Variants in MBD5 observed in about 807,000 individuals in gnomAD.
The protein encoded by MBD5 is methyl-CpG binding domain protein 5.
In MBD5, 13 loss-of-function variants were observed where a neutral mutation model predicts 117.3. That is an observed-to-expected ratio of 0.11 (90% confidence interval 0.07 to 0.18). The LOEUF (loss-of-function observed/expected upper bound fraction) is 0.18, where lower values mean the gene tolerates loss of function less well. Among genes scored for constraint, MBD5 ranks in the 10% least tolerant of loss-of-function variants. The probability of loss-of-function intolerance (pLI) is 1.00; values close to 1 mark genes in which losing one functional copy is unlikely to be tolerated. For synonymous variants in MBD5, 727 were observed against 766.4 expected (o/e 0.95, Z 0.85); for missense variants, 1,879 against 2,093.8 (o/e 0.90, Z 2.00).
At chr2:148,171,208 A>G (rs1698254338) in intron 1 of MBD5, among the ~76,000 whole-genome samples, 1 of 152,214 alleles carries the variant, frequency 6.6e-6, no homozygotes, top group African/African-American at 2.4e-5. Context: ...CAGTATCCTT[A>G]TGTATATATT....
At chr2:148,438,516 T>C (rs894526166) in intron 4 of MBD5, among the ~76,000 whole-genome samples, 4 of 152,178 alleles carry the variant, frequency 2.6e-5, no homozygotes, top group Admixed American at 6.5e-5. Flanking sequence ...TTCCACAGTG[T>C]TGTGAGGAAT....
rs77213206 is a variant in MBD5 at position 148,463,819 on chromosome 2, A to C, written c.297A>C (p.Leu99=). 6.2e-7 allele frequency: 1 copy of C among 1,613,844 alleles called. No individual in the cohort carries two copies. Among genetic ancestry groups the C allele is most frequent in the South Asian group, 1.1e-5 (1 of 91,072 alleles). ...DVKADEDVTK[L]CIHKRKIIAV... Reference sequence around the variant, plus strand: ...AGGCAGATGAAGATGTCACAAAGCTATGCATACATAAAAGAAAAATTATTG... The same window carrying C: ...AGGCAGATGAAGATGTCACAAAGCTCTGCATACATAAAAGAAAAATTATTG... Residue 99 remains leucine (L), a synonymous_variant, in exon 7 of 14, where the codon CTA becomes CTC. Coordinates refer to ENST00000642680, the MANE Select transcript of MBD5 (RefSeq NM_001378120.1).
chr2:148,281,633 C>T (rs750043476), intron 3 of MBD5, among the ~76,000 whole-genome samples: 36 of 151,972 alleles, frequency 2.4e-4, no homozygotes, highest in Non-Finnish European at 4.9e-4. Flanking sequence ...TAGTTTTCCT[C>T]GAGTGCTTTG....
At chr2:148,470,757 AGCCATACGAG>A in intron 8 of MBD5, 1 of 413,770 alleles carries the variant, frequency 2.4e-6, no homozygotes, top group Non-Finnish European at 4.3e-6. Context: ...CTGCAAAATA[AGCCATACGAG>A]GCAGGGTTTC....
rs1680717669 is a variant in MBD5 at position 148,469,501 on chromosome 2, G to T, written c.1558G>T (p.Asp520Tyr). 1 of 1,613,694 alleles carries T rather than the reference G, an allele frequency of 6.2e-7. No individual in the cohort carries two copies. Among genetic ancestry groups the T allele is most frequent in the Non-Finnish European group, 8.5e-7 (1 of 1,179,938 alleles). The change falls in exon 8 of 14, where the codon GAT becomes TAT. Residue 520 changes from aspartate (D) to tyrosine (Y), a missense_variant. Physicochemically the swap from Asp to Tyr is radical, Grantham distance 160 (BLOSUM62 -3). Around this residue, in one of 4 missense-constraint regions of MBD5, gnomAD observed 1,666 missense variants for 1,792.2 expected, o/e 0.93. Transcript: ENST00000642680. Reference protein sequence around the residue: ...TKSDGHHQYKDIPNPLIAGIS... With the variant: ...TKSDGHHQYKYIPNPLIAGIS... ...GTCCGATGGACATCATCAGTACAAG[G>T]ATATCCCTAACCCATTAATTGCTGG...
chr2:148,220,234 A>C (rs1699652262), intron 2 of MBD5, among the ~76,000 whole-genome samples: 2 of 152,142 alleles, frequency 1.3e-5, no homozygotes, highest in South Asian at 4.1e-4. Context: ...ATATTTTTAA[A>C]AGTTCAACTA....
chr2:148,421,279 C>A (rs1705596643), intron 4 of MBD5, among the ~76,000 whole-genome samples: 1 of 152,284 alleles, frequency 6.6e-6, no homozygotes, highest in East Asian at 1.9e-4. Flanking sequence ...GGAGGGAAAG[C>A]CAAAGCAGGG....
chr2:148,188,922 G>A (rs2105894990), intron 2 of MBD5, among the ~76,000 whole-genome samples: 1 of 151,972 alleles, frequency 6.6e-6, no homozygotes, highest in South Asian at 2.1e-4. Flanking sequence ...AGCCGAAGCA[G>A]GGCGAGACAT....
At chr2:148,475,444 A>T (rs1372062158) in intron 8 of MBD5, among the ~76,000 whole-genome samples, 2 of 151,940 alleles carry the variant, frequency 1.3e-5, no homozygotes, top group Non-Finnish European at 2.9e-5. Context: ...TCCAGGTTTA[A>T]CGTTTCCTTG....
At chr2:148,185,420 A>G (rs184885733) in intron 2 of MBD5, among the ~76,000 whole-genome samples, 251 of 152,350 alleles carry the variant, frequency 1.6e-3, no homozygotes, top group African/African-American at 5.6e-3. Context: ...AACAAAAGCT[A>G]TATGTATGTG....
At chr2:148,428,593 T>A (rs1009082083) in intron 4 of MBD5, among the ~76,000 whole-genome samples, 1 of 152,166 alleles carries the variant, frequency 6.6e-6, no homozygotes, top group African/African-American at 2.4e-5. Flanking sequence ...GACTTCAAAC[T>A]ATACTACAAG....
chr2:148,092,040 C>T (rs1479510833), intron 1 of MBD5, among the ~76,000 whole-genome samples: 1 of 152,012 alleles, frequency 6.6e-6, no homozygotes, highest in Non-Finnish European at 1.5e-5. Flanking sequence ...ATATAAATGG[C>T]CAATAAACAT....
rs368492526 is a variant in MBD5 at position 148,292,611 on chromosome 2, T to C, written c.-679-49603T>C. ...TGGAAAAAAGGGAACCCTCCTACAATGTTGGTGGGAGTGCAAGTTAGTACA... is the reference window on the plus strand; with the variant it reads ...TGGAAAAAAGGGAACCCTCCTACAACGTTGGTGGGAGTGCAAGTTAGTACA... On this transcript the variant is annotated intron_variant, in intron 3 of 13. Coordinates refer to ENST00000642680, the MANE Select transcript of MBD5 (RefSeq NM_001378120.1). 2.5e-4 allele frequency among the ~76,000 whole-genome samples: 38 copies of C among 152,034 alleles called. 3 individuals carry two copies. Among genetic ancestry groups the C allele is most frequent in the Admixed American group, 1.7e-3 (26 of 15,258 alleles).
Position 148,308,497 on chromosome 2 carries a change from T to C in MBD5, c.-679-33717T>C, listed in dbSNP as rs1229301270. 9.1e-4 allele frequency among the ~76,000 whole-genome samples: 119 copies of C among 131,194 alleles called. 3 individuals are homozygous for C. Among genetic ancestry groups the C allele is most frequent in the African/African-American group, 3.5e-3 (116 of 32,800 alleles). The allele number at this position is 131,194 out of a possible 152,430, so 86.1% of individuals were successfully genotyped here. On this transcript the variant is annotated intron_variant, in intron 3 of 13. Transcript: ENST00000642680. ...CTTTTTGATGGGGTTCTTTCTTTTT[T>C]TTTTTTTTTTTTTTTTTTTTTGATG...
rs541778531 is a variant in MBD5 at position 148,445,468 on chromosome 2, A to G, written c.-556-12735A>G. Among the ~76,000 whole-genome samples the G allele has an allele frequency of 5.3e-5, 8 of 151,416 alleles. 1 individual carries two copies. The highest frequency in any genetic ancestry group is 1.5e-4 in the African/African-American group (6 of 40,744). On this transcript the variant is annotated intron_variant, in intron 4 of 13. Coordinates refer to ENST00000642680, the MANE Select transcript of MBD5 (RefSeq NM_001378120.1). ...ATGTCCCTACAAAGGACATGAACTCATCAATTTTTATGGCTGCATAGTATT... is the reference window on the plus strand; with the variant it reads ...ATGTCCCTACAAAGGACATGAACTCGTCAATTTTTATGGCTGCATAGTATT...
At chr2:148,446,095 T>C (rs994048598) in intron 4 of MBD5, among the ~76,000 whole-genome samples, 2 of 151,106 alleles carry the variant, frequency 1.3e-5, no homozygotes, top group African/African-American at 2.5e-5. Flanking sequence ...CTGTTCACTC[T>C]GATGGTAGTT....
intron 1 of MBD5, among the ~76,000 whole-genome samples, chr2:148,148,419 G>A (rs985697186): frequency 2.8e-4 from 42 of 152,098 alleles, no homozygotes; most frequent in Non-Finnish European, 4.6e-4. Flanking sequence ...CACAAGATTC[G>A]CTCTTCATAT....
chr2:148,503,626 T>C lies in MBD5; in HGVS notation c.5036+1117T>C, dbSNP rs555214183. ...GACAGCTGCAAGGGGCAAACTCCTATGTCTCTATGTCCCGGACTCCTTTAA... is the reference window on the plus strand; with the variant it reads ...GACAGCTGCAAGGGGCAAACTCCTACGTCTCTATGTCCCGGACTCCTTTAA... On this transcript the variant is annotated intron_variant, in intron 12 of 13. Transcript: ENST00000642680. 2.2e-4 allele frequency among the ~76,000 whole-genome samples: 34 copies of C among 152,346 alleles called. 1 individual carries two copies. Among genetic ancestry groups the C allele is most frequent in the Middle Eastern group, 6.8e-3 (2 of 294 alleles).
intron 1 of MBD5, among the ~76,000 whole-genome samples, chr2:148,037,259 C>T (rs979635): frequency 0.011 from 1,702 of 151,972 alleles, 36 homozygotes; most frequent in East Asian, 0.051. Flanking sequence ...TACACAACAT[C>T]CCTGGTATTT....
Sources: allele counts gnomAD v4.1 joint callset (sites outside exome capture counted in the v4.1 genomes callset), GRCh38; gene constraint gnomAD v4.1.1; regional missense constraint gnomAD v4.1.1; transcripts MANE v1.5; gene names NCBI Gene and HGNC (gene_info 2026-07-23, HGNC 2026-07-21).